DYM: variants seen among roughly 807,000 people sequenced by gnomAD.
DYM encodes the protein dyggve-Melchior-Clausen syndrome protein.
Under a neutral mutation model 93.1 loss-of-function variants are expected in DYM, and 78 were observed. The observed-to-expected ratio is 0.84, with a 90% confidence interval of 0.70 to 1.01. DYM has a LOEUF of 1.01. Among genes scored for constraint, DYM ranks in the 50% least tolerant of loss-of-function variants. The pLI is 0.00. For synonymous variants in DYM, 321 were observed against 319.7 expected, an observed-to-expected ratio of 1.00 and a Z score of -0.04; for missense variants, 789 against 845.0, an observed-to-expected ratio of 0.93 and a Z score of 0.82.
chr18:49,358,645 TCACAGGTTCATAAGAAAGAC>T (rs2147280016), intron 6 of DYM, among the ~76,000 whole-genome samples: 1 of 152,256 alleles, frequency 6.6e-6, no homozygotes, highest in African/African-American at 2.4e-5. Flanking sequence ...CTCAATGAGT[TCACAGGTTCATAAGAAAGAC>T]CACAGAAATG....
At chr18:49,402,411 T>C (rs2070959051) in intron 2 of DYM, among the ~76,000 whole-genome samples, 1 of 152,074 alleles carries the variant, frequency 6.6e-6, no homozygotes, top group African/African-American at 2.4e-5. Flanking sequence ...CATCCTGAGA[T>C]TTTTAGGGGG....
At chr18:49,077,321 G>C (rs1376054398) in intron 17 of DYM, among the ~76,000 whole-genome samples, 1 of 152,166 alleles carries the variant, frequency 6.6e-6, no homozygotes, top group East Asian at 1.9e-4. Context: ...TCTCAGTTTT[G>C]CCTTTTCTAG....
intron 17 of DYM, among the ~76,000 whole-genome samples, chr18:49,095,731 G>A (rs1025576846): frequency 6.6e-6 from 1 of 152,088 alleles, no homozygotes; most frequent in Non-Finnish European, 1.5e-5. Context: ...ATATGTCACT[G>A]TCTCAAATAT....
chr18:49,445,921 A>G (rs1231473137), intron 1 of DYM, among the ~76,000 whole-genome samples: 2 of 152,232 alleles, frequency 1.3e-5, no homozygotes, highest in South Asian at 2.1e-4. Flanking sequence ...TGTAGTCATA[A>G]TAATATAAAA....
chr18:49,097,237 T>G, intron 17 of DYM, 165 bp downstream of exon 17: 1 of 674,134 alleles, frequency 1.5e-6, no homozygotes. Context: ...AAAGTATTAA[T>G]GCTTCTTTTG....
chr18:49,320,106 C>T (rs1198663348), intron 8 of DYM, among the ~76,000 whole-genome samples: 1 of 152,150 alleles, frequency 6.6e-6, no homozygotes, highest in Non-Finnish European at 1.5e-5. Context: ...AGCTTATTAG[C>T]GTGCAGTCAG....
rs186378471 is a variant in DYM at position 49,296,193 on chromosome 18, T to C, written c.764-9577A>G. On this transcript the variant is annotated intron_variant, in intron 8 of 17. Coordinates refer to ENST00000675505, the MANE Select transcript of DYM (RefSeq NM_001353214.3). Reference sequence around the variant, plus strand: ...ATCTGCCCACCTCAGCCTCCCAACGTGCTAGGATTACAGGCACGAGCCACC... The same window carrying C: ...ATCTGCCCACCTCAGCCTCCCAACGCGCTAGGATTACAGGCACGAGCCACC... Among the ~76,000 whole-genome samples, 710 of 152,264 alleles carry C rather than the reference T, an allele frequency of 4.7e-3. 2 individuals carry two copies. Among genetic ancestry groups the C allele is most frequent in the Middle Eastern group, 0.014 (4 of 294 alleles).
intron 2 of DYM, among the ~76,000 whole-genome samples, chr18:49,395,505 T>C (rs981733893): frequency 2.0e-5 from 3 of 152,016 alleles, no homozygotes; most frequent in Non-Finnish European, 4.4e-5. Context: ...GGCTCATGCC[T>C]GTAATTACAG....
At chr18:49,091,616 T>G (rs1444952219) in intron 17 of DYM, among the ~76,000 whole-genome samples, 1 of 152,184 alleles carries the variant, frequency 6.6e-6, no homozygotes, top group Non-Finnish European at 1.5e-5. Flanking sequence ...CCCAGCCCCA[T>G]AGATTCTAAT....
At chr18:49,163,948 T>C (rs1329290998) in intron 14 of DYM, among the ~76,000 whole-genome samples, 161 bp from the exon 15 acceptor site, 3 of 152,152 alleles carry the variant, frequency 2.0e-5, no homozygotes, top group Admixed American at 2.0e-4. Context: ...TAATAGTATT[T>C]ATGTAAGAAA....
chr18:49,044,425 T>C (rs1009215366), intron 17 of DYM, among the ~76,000 whole-genome samples: 7 of 152,256 alleles, frequency 4.6e-5, no homozygotes, highest in Non-Finnish European at 1.0e-4. Flanking sequence ...CAATGGGTCC[T>C]GGTTGGCTAA....
chr18:49,254,724 T>C (rs1181497152), intron 13 of DYM, among the ~76,000 whole-genome samples: 5 of 152,198 alleles, frequency 3.3e-5, no homozygotes, highest in African/African-American at 1.2e-4. Context: ...ATTTGGCATT[T>C]TCATATCAAA....
At position 49,076,995 on chromosome 18, in the gene DYM, G is replaced by A. The variant is rs570414907; in HGVS notation, c.2025+20407C>T. 5.3e-5 allele frequency among the ~76,000 whole-genome samples: 8 copies of A among 152,218 alleles called. 1 individual carries two copies. In the South Asian group the frequency reaches 1.0e-3, roughly 20 times the overall value. ...AAACATATGGTGCCCTGCACAACAC[G>A]GGAGCTTCACAGGAGGACTTTTTTC... On this transcript the variant is annotated intron_variant, in intron 17 of 17. Coordinates refer to ENST00000675505, the MANE Select transcript of DYM (RefSeq NM_001353214.3).
intron 2 of DYM, among the ~76,000 whole-genome samples, chr18:49,402,990 A>G (rs1002757916): frequency 8.5e-5 from 13 of 152,212 alleles, no homozygotes; most frequent in Non-Finnish European, 1.6e-4. Context: ...AATGCCACCA[A>G]CTCATAGGAC....
At position 49,368,341 on chromosome 18, in the gene DYM, T is replaced by G. The variant is rs1568327702; in HGVS notation, c.422-5108A>C. 2.0e-5 allele frequency among the ~76,000 whole-genome samples: 3 copies of G among 152,148 alleles called. 1 individual carries two copies. Among genetic ancestry groups the G allele is most frequent in the Admixed American group, 1.3e-4 (2 of 15,268 alleles). On this transcript the variant is annotated intron_variant, in intron 5 of 17. Coordinates refer to ENST00000675505, the MANE Select transcript of DYM (RefSeq NM_001353214.3). Reference sequence around the variant, plus strand: ...AATATGACAAAACAATCACACCTATTATATGACCAAAGAACAGTTCAGGAA... The same window carrying G: ...AATATGACAAAACAATCACACCTATGATATGACCAAAGAACAGTTCAGGAA...
intron 10 of DYM, among the ~76,000 whole-genome samples, chr18:49,278,979 T>G (rs1433980848): frequency 6.6e-6 from 1 of 152,188 alleles, no homozygotes; most frequent in Non-Finnish European, 1.5e-5. Context: ...ATATAAAAAT[T>G]GTGTTCATGT....
At chr18:49,331,577 T>C (rs1020109541) in intron 8 of DYM, among the ~76,000 whole-genome samples, 1 of 152,226 alleles carries the variant, frequency 6.6e-6, no homozygotes, top group Non-Finnish European at 1.5e-5. Context: ...CTTAATTTTA[T>C]TTTTACTATA....
chr18:49,237,356 G>A (rs1009341967), intron 13 of DYM, among the ~76,000 whole-genome samples: 8 of 152,114 alleles, frequency 5.3e-5, no homozygotes, highest in Admixed American at 4.6e-4. Context: ...ATGATATTTT[G>A]AGGCCATATA....
At chr18:49,102,667 T>G (rs78967714) in intron 16 of DYM, among the ~76,000 whole-genome samples, 9,348 of 152,190 alleles carry the variant, frequency 0.061, 529 homozygotes, top group East Asian at 0.26. Context: ...TTGTGGTGTT[T>G]GGTTTTTTTG....
Sources: allele counts gnomAD v4.1 joint callset (sites outside exome capture counted in the v4.1 genomes callset), GRCh38; gene constraint gnomAD v4.1.1; transcripts MANE v1.5; gene names NCBI Gene and HGNC (gene_info 2026-07-23, HGNC 2026-07-21).